RNF185: variants seen among roughly 807,000 people sequenced by gnomAD.
The protein encoded by RNF185 is E3 ubiquitin-protein ligase RNF185.
In RNF185, 13 loss-of-function variants were observed where a neutral mutation model predicts 24.9. That is an observed-to-expected ratio of 0.52 (90% confidence interval 0.34 to 0.83). RNF185 has a LOEUF of 0.83. Among genes scored for constraint, RNF185 ranks in the 40% least tolerant of loss-of-function variants. RNF185 has a pLI of 0.01. For missense variants in RNF185, 184 were observed against 244.7 expected (o/e 0.75, Z 1.65); for synonymous variants, 79 against 90.3 (o/e 0.88, Z 0.71).
At chr22:31,175,893 T>A (rs771075756) in intron 1 of RNF185, among the ~76,000 whole-genome samples, 1 of 152,230 alleles carries the variant, frequency 6.6e-6, no homozygotes, top group Non-Finnish European at 1.5e-5. Context: ...TCCTTTTTGT[T>A]CTCTACTGAG....
Position 31,181,896 on chromosome 22 carries a change from C to G in RNF185, c.-48-5151C>G, listed in dbSNP as rs184896591. 1.3e-4 allele frequency among the ~76,000 whole-genome samples: 20 copies of G among 151,838 alleles called. No homozygotes were observed. The East Asian group carries it at 3.9e-3, about 29-fold the overall frequency. On this transcript the variant is annotated intron_variant, in intron 1 of 6. Coordinates refer to ENST00000326132, the MANE Select transcript of RNF185 (RefSeq NM_152267.4). ...GAAGGGATAGCATTAGGAGGTATAC[C>G]TAATGTAAATGACGAGTTAATGGGT...
intron 2 of RNF185, among the ~76,000 whole-genome samples, chr22:31,188,324 CAG>C (rs2048119963): frequency 6.6e-6 from 1 of 152,094 alleles, no homozygotes; most frequent in Non-Finnish European, 1.5e-5. Context: ...TAGAATGGAG[CAG>C]AGATTTTTGT....
At chr22:31,179,965 C>G (rs1286431457) in intron 1 of RNF185, among the ~76,000 whole-genome samples, 2 of 152,130 alleles carry the variant, frequency 1.3e-5, no homozygotes, top group African/African-American at 2.4e-5. Flanking sequence ...GCATGATACT[C>G]TCACTTTTCA....
At chr22:31,198,964 G>T (rs1030676119) in intron 5 of RNF185, among the ~76,000 whole-genome samples, 26 of 151,044 alleles carry the variant, frequency 1.7e-4, no homozygotes, top group African/African-American at 6.3e-4. Flanking sequence ...GCCGGGTGTG[G>T]TGGCATGTGC....
At position 31,192,698 on chromosome 22, in the gene RNF185, A is replaced by G; in HGVS notation, c.191A>G (p.His64Arg). 1 of 1,613,794 alleles carries G rather than the reference A, an allele frequency of 6.2e-7. No homozygotes were observed. Among genetic ancestry groups the G allele is most frequent in the Non-Finnish European group, 8.5e-7 (1 of 1,179,786 alleles). The change falls in exon 3 of 7, where the codon CAT becomes CGT. Residue 64 changes from histidine to arginine, a missense_variant. Transcript: ENST00000326132. The stretch of plus-strand genomic sequence containing the variant: ...GACTCTGGCAGTTGGCCGTGTTTAC[A>G]TCAGGTAAGATGCATTTCATTTTAC... The part of the protein sequence containing the change: ...CGHLFCWPCL[H>R]QWLETRPNRQ...
At chr22:31,160,716 G>C (rs1410145346) in intron 1 of RNF185, among the ~76,000 whole-genome samples, 1 of 152,204 alleles carries the variant, frequency 6.6e-6, no homozygotes, top group Admixed American at 6.5e-5. Flanking sequence ...GCCACCGACA[G>C]ACAATTGTGC....
chr22:31,171,565 G>A (rs2047930177), intron 1 of RNF185, among the ~76,000 whole-genome samples: 1 of 152,124 alleles, frequency 6.6e-6, no homozygotes, highest in Admixed American at 6.5e-5. Flanking sequence ...AATGGAGGTG[G>A]CTCAAGGCAC....
rs975103008 is a variant in RNF185 at position 31,204,727 on chromosome 22, T to G, written c.*141T>G. 5 of 611,446 alleles carry G rather than the reference T, an allele frequency of 8.2e-6. No individual in the cohort carries two copies. The highest frequency in any genetic ancestry group is 3.7e-5 in the African/African-American group (2 of 54,448). The allele number at this position is 611,446 out of a possible 1,614,324, so 37.9% of individuals were successfully genotyped here. A position where few individuals can be genotyped will look rare whatever the true frequency, so the allele number is the denominator to read the frequency against. ...CACATCAAGGAGTCTTGTTTCTTCA[T>G]CAGAGCTTTGGAACTCGAGACCAGT... On this transcript the variant is annotated 3_prime_UTR_variant, in exon 7 of 7. Transcript: ENST00000326132.
intron 3 of RNF185, among the ~76,000 whole-genome samples, chr22:31,194,893 C>G (rs2048190026): frequency 6.6e-6 from 1 of 152,136 alleles, no homozygotes; most frequent in African/African-American, 2.4e-5. Context: ...AGTTTCCCTC[C>G]CCCTGTGTTG....
chr22:31,201,570 A>G lies in RNF185; in HGVS notation c.436A>G (p.Ile146Val), dbSNP rs751520606. The G allele has an allele frequency of 9.9e-6, 16 of 1,612,306 alleles. No individual in the cohort carries two copies. In the South Asian group the frequency reaches 1.2e-4, roughly 12 times the overall value. Residue 146 changes from isoleucine (I) to valine (V), a missense_variant, in exon 6 of 7, where the codon ATA becomes GTA. Coordinates refer to ENST00000326132, the MANE Select transcript of RNF185 (RefSeq NM_152267.4). Reference sequence around the variant, plus strand: ...TGGAATTGGGGCATTTCCCTTTGGGATATTTGCCACAGCATTTAATATAAA... The same window carrying G: ...TGGAATTGGGGCATTTCCCTTTGGGGTATTTGCCACAGCATTTAATATAAA... ...SFGIGAFPFG[I>V]FATAFNINDG...
In RNF185 at chr22:31,195,536, T is replaced by C. The variant is rs1348470037; in HGVS notation, c.263T>C (p.Val88Ala). The change falls in exon 4 of 7, where the codon GTC (valine) becomes GCC (alanine). Residue 88 changes from valine to alanine, a missense_variant. Coordinates refer to ENST00000326132, the MANE Select transcript of RNF185 (RefSeq NM_152267.4). ...VCKAGISRDK[V>A]IPLYGRGSTG... is the part of the protein sequence containing the mutation. Reference sequence around the variant, plus strand: ...AAAGCTGGCATCAGCCGAGACAAGGTCATCCCCCTCTATGGAAGGGGCAGC... The same window carrying C: ...AAAGCTGGCATCAGCCGAGACAAGGCCATCCCCCTCTATGGAAGGGGCAGC... 6.2e-7 allele frequency: 1 copy of C among 1,611,332 alleles called. No individual in the cohort carries two copies. Among genetic ancestry groups the C allele is most frequent in the Admixed American group, 1.7e-5 (1 of 59,756 alleles).
chr22:31,199,483 A>G (rs1010638338), intron 5 of RNF185, among the ~76,000 whole-genome samples: 16 of 152,238 alleles, frequency 1.1e-4, no homozygotes, highest in African/African-American at 3.9e-4. Flanking sequence ...TGTTGACCAA[A>G]GTGCATACCT....
chr22:31,168,790 G>C (rs758649315), intron 1 of RNF185, among the ~76,000 whole-genome samples: 4 of 152,114 alleles, frequency 2.6e-5, no homozygotes, highest in Non-Finnish European at 5.9e-5. Context: ...CTTTTGATTT[G>C]CATTTCCCTG....
At chr22:31,179,779 G>A (rs537202865) in intron 1 of RNF185, among the ~76,000 whole-genome samples, 2 of 152,310 alleles carry the variant, frequency 1.3e-5, no homozygotes, top group East Asian at 3.9e-4. Flanking sequence ...TCATGCCTGT[G>A]TGTAGGAGTA....
chr22:31,171,837 G>A (rs938233170), intron 1 of RNF185, among the ~76,000 whole-genome samples: 1 of 151,590 alleles, frequency 6.6e-6, no homozygotes, highest in Non-Finnish European at 1.5e-5. Flanking sequence ...GTGTGGTGGT[G>A]CATGCCTGTA....
intron 1 of RNF185, among the ~76,000 whole-genome samples, chr22:31,172,182 T>A (rs1246446055): frequency 6.6e-6 from 1 of 151,860 alleles, no homozygotes; most frequent in African/African-American, 2.4e-5. Context: ...TTTCACTGAC[T>A]GTGTGAAAAT....
chr22:31,165,182 T>C (rs1903165015), intron 1 of RNF185, among the ~76,000 whole-genome samples: 1 of 152,056 alleles, frequency 6.6e-6, no homozygotes, highest in African/African-American at 2.4e-5. Context: ...CCTCCCAAAG[T>C]GCTGGGATTA....
At chr22:31,201,641 T>G in intron 6 of RNF185, 26 bp downstream of exon 6, 7 of 1,501,676 alleles carry the variant, frequency 4.7e-6, no homozygotes, top group Non-Finnish European at 5.6e-6. Context: ...CTTGAGAAAT[T>G]AGGAAGATAT....
chr22:31,202,607 C>CTTTTTTTTTT (rs71202049), intron 6 of RNF185, among the ~76,000 whole-genome samples: 1 of 83,768 alleles, frequency 1.2e-5, no homozygotes, highest in African/African-American at 5.6e-5. Context: ...TTGGGAATGC[C>CTTTTTTTTTT]TTTTTTTTTT....
Sources: allele counts gnomAD v4.1 joint callset (sites outside exome capture counted in the v4.1 genomes callset), GRCh38; gene constraint gnomAD v4.1.1; transcripts MANE v1.5; gene names NCBI Gene and HGNC (gene_info 2026-07-23, HGNC 2026-07-21).